Variants in TJP2 observed in about 807,000 individuals in gnomAD.
TJP2 encodes tight junction protein 2, also known as Friedreich ataxia region gene X104 (tight junction protein ZO-2).
A neutral mutation model predicts 133.1 loss-of-function variants in TJP2; 91 were observed. That is an observed-to-expected ratio of 0.68 (90% CI 0.58 to 0.81). The LOEUF (loss-of-function observed/expected upper bound fraction) is 0.81. TJP2 is among the 40% of genes least tolerant of loss of function. TJP2 has a pLI of 0.00. For synonymous variants in TJP2, 592 were observed against 583.4 expected (o/e 1.01, Z -0.21); for missense variants, 1,541 against 1,565.6 (o/e 0.98, Z 0.26).
At chr9:69,134,146 C>T (rs1483715307) in intron 1 of TJP2, among the ~76,000 whole-genome samples, 4 of 152,140 alleles carry the variant, frequency 2.6e-5, no homozygotes, top group Non-Finnish European at 5.9e-5. Context: ...TTATTTGAAT[C>T]TCCAGTGCCA....
At chr9:69,154,805 T>TA (rs955790646) in intron 2 of TJP2, among the ~76,000 whole-genome samples, 13 of 151,532 alleles carry the variant, frequency 8.6e-5, no homozygotes, top group South Asian at 4.2e-4. Context: ...AAATAAAAAT[T>TA]AAAAAAAAGA....
chr9:69,238,448 C>T (rs750532506), intron 15 of TJP2, among the ~76,000 whole-genome samples: 2 of 152,106 alleles, frequency 1.3e-5, no homozygotes, highest in Admixed American at 6.6e-5. Context: ...TTCCAGTCCC[C>T]TCTTTTTTCT....
In TJP2 at chr9:69,246,887, G is replaced by A. The variant is rs543567399; in HGVS notation, c.2667+97G>A. The A allele has an allele frequency of 2.0e-5, 21 of 1,072,570 alleles. 2 individuals carry two copies. In the South Asian group the frequency reaches 2.3e-4, roughly 12 times the overall value. The allele number at this position is 1,072,570 out of a possible 1,614,324, so 66.4% of individuals were successfully genotyped here. A position where few individuals can be genotyped will look rare whatever the true frequency, so the allele number is the denominator to read the frequency against. The stretch of plus-strand genomic sequence containing the variant: ...TGTAGTCAAGCCATGCCCATTTGAA[G>A]TGATGCTCACATGTGTGCTAATCAA... On this transcript the variant is annotated intron_variant, in intron 18 of 22. Transcript: ENST00000377245.
chr9:69,229,066 G>A, intron 9 of TJP2, 118 bp from the exon 10 acceptor site: 2 of 927,228 alleles, frequency 2.2e-6, no homozygotes, highest in South Asian at 1.3e-5. Flanking sequence ...ACTTCTTTTT[G>A]TTTGTGGTGA....
At chr9:69,169,303 T>G (rs561891456), upstream of TJP2, among the ~76,000 whole-genome samples, 6 of 152,182 alleles carry the variant, frequency 3.9e-5, no homozygotes, top group Admixed American at 3.3e-4. Context: ...TCCAGTCTAC[T>G]TTACAGTGTA....
rs563179558 is a variant in TJP2 at position 69,179,511 on chromosome 9, C to CTTTT, written c.60+5091_60+5094dup. Among the ~76,000 whole-genome samples, 600 of 139,094 alleles carry CTTTT rather than the reference C, an allele frequency of 4.3e-3. 8 individuals carry two copies. Among genetic ancestry groups the CTTTT allele is most frequent in the African/African-American group, 0.013 (491 of 37,582 alleles). 91.3% of individuals were successfully genotyped at this position (139,094 alleles called of 152,430 possible). A position where few individuals can be genotyped will look rare whatever the true frequency, so the allele number is the denominator to read the frequency against. On this transcript the variant is annotated intron_variant, in intron 1 of 22. Transcript: ENST00000377245. The stretch of plus-strand genomic sequence containing the variant: ...GTAAGTTACTTTTTTCTTTTTCTTT[C>CTTTT]TTTTTTTTTTTTTTTGAGACGGAGT...
At chr9:69,212,722 A>G in intron 2 of TJP2, 121 bp downstream of exon 2, 1 of 744,378 alleles carries the variant, frequency 1.3e-6, no homozygotes, top group South Asian at 1.5e-5. Context: ...TACATAATGT[A>G]TTATAGATAC....
At chr9:69,233,045 G>A (rs1829907771) in intron 11 of TJP2, among the ~76,000 whole-genome samples, 1 of 152,172 alleles carries the variant, frequency 6.6e-6, no homozygotes, top group African/African-American at 2.4e-5. Flanking sequence ...ATGGCTATAT[G>A]TAGATACAGA....
intron 5 of TJP2, among the ~76,000 whole-genome samples, chr9:69,224,515 T>C (rs1829174245): frequency 6.6e-6 from 1 of 151,990 alleles, no homozygotes; most frequent in Admixed American, 6.6e-5. Flanking sequence ...CTGTCTCTAC[T>C]AAAATACAAC....
intron 1 of TJP2, among the ~76,000 whole-genome samples, chr9:69,178,151 A>G (rs1282833072): frequency 6.6e-6 from 1 of 152,076 alleles, no homozygotes; most frequent in Non-Finnish European, 1.5e-5. Flanking sequence ...CATACCCCCA[A>G]AATACCTAAT....
chr9:69,200,629 A>G (rs1387854822), intron 1 of TJP2, among the ~76,000 whole-genome samples: 1 of 152,168 alleles, frequency 6.6e-6, no homozygotes, highest in East Asian at 1.9e-4. Context: ...CCTGGGCTCA[A>G]CTGATGCTCC....
At chr9:69,230,967 C>T (rs1829729663) in intron 11 of TJP2, among the ~76,000 whole-genome samples, 1 of 152,048 alleles carries the variant, frequency 6.6e-6, no homozygotes, top group African/African-American at 2.4e-5. Flanking sequence ...TTTGTATAAT[C>T]TGTTAAGGAA....
chr9:69,127,718 A>G lies in TJP2; in HGVS notation c.-131+5993A>G, dbSNP rs1822329329. On this transcript the variant is annotated intron_variant, in intron 1 of 5. Transcript: ENST00000423935. ...TAGATTAGCCTATTCTGAACATTTT[A>G]TATAAATGGAATCATAGACTATGTG... Among the ~76,000 whole-genome samples the G allele has an allele frequency of 2.7e-5, 2 of 75,230 alleles. 1 individual carries two copies. Among genetic ancestry groups the G allele is most frequent in the South Asian group, 7.4e-4 (2 of 2,692 alleles). The allele number at this position is 75,230 out of a possible 152,430, so 49.4% of individuals were successfully genotyped here. A position where few individuals can be genotyped will look rare whatever the true frequency, so the allele number is the denominator to read the frequency against.
chr9:69,135,176 C>T (rs1436716376), intron 1 of TJP2, among the ~76,000 whole-genome samples: 1 of 152,164 alleles, frequency 6.6e-6, no homozygotes, highest in East Asian at 1.9e-4. Flanking sequence ...CAGTCCTTAG[C>T]AACCCAGGCC....
At chr9:69,138,127 A>G (rs917537528) in intron 1 of TJP2, among the ~76,000 whole-genome samples, 1 of 152,188 alleles carries the variant, frequency 6.6e-6, no homozygotes, top group African/African-American at 2.4e-5. Flanking sequence ...TCCAAGAGGC[A>G]TTACCAGTTC....
chr9:69,238,617 C>T (rs2133398665), intron 15 of TJP2, 93 bp from the exon 16 acceptor site: 3 of 935,286 alleles, frequency 3.2e-6, no homozygotes, highest in Non-Finnish European at 5.1e-6. Context: ...CACTTAATGT[C>T]AGGTGTGCCA....
intron 2 of TJP2, among the ~76,000 whole-genome samples, chr9:69,162,116 T>C (rs957523991): frequency 1.4e-5 from 2 of 148,050 alleles, no homozygotes; most frequent in Admixed American, 1.4e-4. Flanking sequence ...ATATAATAAA[T>C]ATAATTTTTA....
intron 21 of TJP2, 130 bp downstream of exon 21, chr9:69,251,494 T>G: frequency 1.0e-6 from 1 of 953,732 alleles, no homozygotes; most frequent in Admixed American, 2.1e-5. Context: ...GCAGGTGCTG[T>G]GTATGTCACT....
In TJP2 at chr9:69,212,699, T is replaced by C. The variant is rs1009511594; in HGVS notation, c.114+98T>C. Reference sequence around the variant, plus strand: ...CACCTACACACAGTTTTGGCTTTTTTTTTCCCTTGAGGTACATAATGTATT... The same window carrying C: ...CACCTACACACAGTTTTGGCTTTTTCTTTCCCTTGAGGTACATAATGTATT... On this transcript the variant is annotated intron_variant, in intron 2 of 22. Transcript: ENST00000377245. 9 of 1,012,226 alleles carry C rather than the reference T, an allele frequency of 8.9e-6. No homozygotes were observed. In the African/African-American group the frequency reaches 1.3e-4, roughly 14 times the overall value. 62.7% of individuals were successfully genotyped at this position (1,012,226 alleles called of 1,614,324 possible). A position where few individuals can be genotyped will look rare whatever the true frequency, so the allele number is the denominator to read the frequency against.
Sources: gnomAD v4.1 joint callset for allele counts (sites outside exome capture counted in the v4.1 genomes callset) on GRCh38, gnomAD v4.1.1 for gene constraint, MANE v1.5 for transcripts, NCBI Gene and HGNC (gene_info 2026-07-23, HGNC 2026-07-21) for gene names.